The following CDH4 variants were observed in gnomAD, a reference collection of about 807,000 sequenced individuals.
CDH4 encodes cadherin 4.
In CDH4, 33 loss-of-function variants were observed where a neutral mutation model predicts 86.0. That is an observed-to-expected ratio of 0.38 (90% CI 0.29 to 0.51). The LOEUF (loss-of-function observed/expected upper bound fraction) is 0.51. Ranked by LOEUF, CDH4 falls within the 20% of genes least tolerant of loss-of-function variation. CDH4 has a pLI of 0.86. For synonymous variants in CDH4, 555 were observed against 549.4 expected (o/e 1.01, Z -0.14); for missense variants, 1,114 against 1,307.4 (o/e 0.85, Z 2.28).
chr20:61,398,353 A>G (rs978826595), intron 2 of CDH4, among the ~76,000 whole-genome samples: 11 of 152,196 alleles, frequency 7.2e-5, no homozygotes, highest in Admixed American at 6.5e-4. Context: ...TATCACCTCT[A>G]AGGGTGGAGA....
chr20:61,385,823 T>C (rs866292851), intron 2 of CDH4, among the ~76,000 whole-genome samples: 9 of 142,198 alleles, frequency 6.3e-5, no homozygotes, highest in African/African-American at 1.9e-4. Context: ...AACGTAGGTG[T>C]CATTTACTCA....
chr20:61,815,297 G>T (rs1446646876), intron 4 of CDH4, among the ~76,000 whole-genome samples: 1 of 152,220 alleles, frequency 6.6e-6, no homozygotes, highest in Non-Finnish European at 1.5e-5. Context: ...GGCTGCTGTG[G>T]AGGGCGTGGG....
intron 2 of CDH4, among the ~76,000 whole-genome samples, chr20:61,479,325 A>G (rs1005156287): frequency 6.6e-6 from 1 of 151,940 alleles, no homozygotes; most frequent in Non-Finnish European, 1.5e-5. Context: ...AACATTAGGT[A>G]TATCTCCTAA....
intron 2 of CDH4, among the ~76,000 whole-genome samples, chr20:61,571,769 T>TCCCCCCCCCCC (rs2086343516): frequency 5.0e-5 from 1 of 20,106 alleles, no homozygotes; most frequent in African/African-American, 1.9e-4. Flanking sequence ...CTTCCCACCC[T>TCCCCCCCCCCC]TCCCCACCCC....
intron 2 of CDH4, among the ~76,000 whole-genome samples, chr20:61,519,059 G>C (rs1345192422): frequency 6.6e-6 from 1 of 152,188 alleles, no homozygotes; most frequent in Non-Finnish European, 1.5e-5. Context: ...TGGGCTTTCT[G>C]TAAGTCGCTG....
intron 6 of CDH4, among the ~76,000 whole-genome samples, chr20:61,871,087 G>C (rs1414194567): frequency 6.6e-6 from 1 of 152,068 alleles, no homozygotes; most frequent in East Asian, 1.9e-4. Context: ...GAGAGAGACA[G>C]AGACAGAGCT....
chr20:61,341,893 C>T (rs962286220), intron 2 of CDH4, among the ~76,000 whole-genome samples: 12 of 152,148 alleles, frequency 7.9e-5, no homozygotes, highest in African/African-American at 2.9e-4. Flanking sequence ...ACAGTCATTT[C>T]CTAGGGGTTT....
rs532924748 is a variant in CDH4, at chr20:61,790,537, TTCCA to T, written c.576+17362_576+17365del. ...TTTCTACCTATCCATTCATCCATCC[TTCCA>T]TCCATCTACCTACCCACCATCCATC... On this transcript the variant is annotated intron_variant, in intron 4 of 15. Transcript: ENST00000614565. 1.8e-3 allele frequency among the ~76,000 whole-genome samples: 263 copies of T among 142,232 alleles called. 1 individual carries two copies. Among genetic ancestry groups the T allele is most frequent in the African/African-American group, 6.3e-3 (239 of 38,226 alleles). 93.3% of individuals were successfully genotyped at this position (142,232 alleles called of 152,430 possible).
At chr20:61,765,611 T>C (rs1013373420) in intron 3 of CDH4, among the ~76,000 whole-genome samples, 2 of 152,182 alleles carry the variant, frequency 1.3e-5, no homozygotes, top group African/African-American at 4.8e-5. Flanking sequence ...TCCAGGTTGC[T>C]GTCCAGGCCA....
At chr20:61,321,791 G>A (rs2072270424) in intron 2 of CDH4, among the ~76,000 whole-genome samples, 1 of 152,202 alleles carries the variant, frequency 6.6e-6, no homozygotes, top group Admixed American at 6.5e-5. Flanking sequence ...TTTCCATGAT[G>A]TTAACAGGTG....
chr20:61,341,257 C>T (rs2084647879), intron 2 of CDH4, among the ~76,000 whole-genome samples: 1 of 152,226 alleles, frequency 6.6e-6, no homozygotes, highest in African/African-American at 2.4e-5. Context: ...TGGTTGTGAT[C>T]AGACAGAAGG....
rs114281236 is a variant in CDH4, at chr20:61,298,496, G to A, written c.169+43559G>A. Among the ~76,000 whole-genome samples, 994 of 152,044 alleles carry A rather than the reference G, an allele frequency of 6.5e-3. 16 individuals are homozygous for A. The highest frequency in any genetic ancestry group is 0.023 in the African/African-American group (939 of 41,456). ...TTTCTGGAAGGTTCTGCTGGGCCAC[G>A]TCCCGTCAGGTCCTCAGGAACACGG... On this transcript the variant is annotated intron_variant, in intron 2 of 15. Transcript: ENST00000614565.
chr20:61,281,701 G>A (rs780058689), intron 2 of CDH4, among the ~76,000 whole-genome samples: 15 of 152,216 alleles, frequency 9.9e-5, no homozygotes, highest in Non-Finnish European at 1.6e-4. Flanking sequence ...TGGGGGGCAA[G>A]GCTGACCACA....
chr20:61,358,794 C>A (rs77729322), intron 2 of CDH4, among the ~76,000 whole-genome samples: 8,910 of 152,274 alleles, frequency 0.059, 288 homozygotes, highest in Middle Eastern at 0.082. Flanking sequence ...GGAACAGTCG[C>A]TTTAATGCGG....
intron 6 of CDH4, among the ~76,000 whole-genome samples, chr20:61,871,511 G>A (rs1388546027): frequency 3.3e-5 from 5 of 152,340 alleles, no homozygotes; most frequent in Admixed American, 1.3e-4. Context: ...AGCTCTGCGC[G>A]TGTGTTAGGA....
At chr20:61,348,270 A>G (rs6015960) in intron 2 of CDH4, among the ~76,000 whole-genome samples, 30,061 of 152,058 alleles carry the variant, frequency 0.2, 2,946 homozygotes, top group Middle Eastern at 0.35. Context: ...GCAAAAGAGC[A>G]TGTGCAGGGG....
Position 61,703,544 on chromosome 20 carries a change from G to A in CDH4, c.170-40019G>A, listed in dbSNP as rs895382602. ...GTGGGGAAGGAAGGAGTGAGGTCAG[G>A]TGTGGGGATCAAAGCTCCTCGTCCC... On this transcript the variant is annotated intron_variant, in intron 2 of 15. Transcript: ENST00000614565. This position sits in a 1 kb window ranked among gnomAD's most constrained non-coding sequence, Gnocchi z 4.3. 5.9e-5 allele frequency among the ~76,000 whole-genome samples: 9 copies of A among 152,206 alleles called. No homozygotes were observed. Among genetic ancestry groups the A allele is most frequent in the Non-Finnish European group, 1.2e-4 (8 of 68,034 alleles).
chr20:61,363,446 AACAC>A (rs758501709), intron 2 of CDH4, among the ~76,000 whole-genome samples: 1 of 151,234 alleles, frequency 6.6e-6, no homozygotes, highest in Non-Finnish European at 1.5e-5. Context: ...CACACACACA[AACAC>A]ACACACACAC....
chr20:61,773,534 C>G (rs77253500), intron 4 of CDH4, among the ~76,000 whole-genome samples: 2 of 152,112 alleles, frequency 1.3e-5, no homozygotes, highest in African/African-American at 4.8e-5. Flanking sequence ...ACTAAGATCC[C>G]GGATGATGGG....
Sources: gnomAD v4.1 joint callset for allele counts (sites outside exome capture counted in the v4.1 genomes callset) on GRCh38, gnomAD v4.1.1 for gene constraint, Gnocchi (gnomAD v3.1) non-coding constraint, MANE v1.5 for transcripts, NCBI Gene and HGNC (gene_info 2026-07-23, HGNC 2026-07-21) for gene names.